TMEM232: variants seen among roughly 807,000 people sequenced by gnomAD.
TMEM232 encodes the protein transmembrane protein 232.
In TMEM232, 80 loss-of-function variants were observed where a neutral mutation model predicts 78.8. The observed-to-expected ratio is 1.01, with a 90% CI of 0.85 to 1.22. TMEM232 has a LOEUF of 1.22. Among genes scored for constraint, TMEM232 ranks in the 50% most tolerant of loss-of-function variants. The probability of loss-of-function intolerance (pLI) is 0.00; values close to 1 mark genes in which losing one functional copy is unlikely to be tolerated. For synonymous variants in TMEM232, 297 were observed against 254.3 expected (o/e 1.17, Z -1.60); for missense variants, 881 against 742.2 (o/e 1.19, Z -2.17).
intron 5 of TMEM232, among the ~76,000 whole-genome samples, chr5:110,628,306 G>A (rs549064029): frequency 1.3e-5 from 2 of 152,152 alleles, no homozygotes; most frequent in African/African-American, 4.8e-5. Context: ...GAATTGCAAT[G>A]CAAAAGGTAT....
In TMEM232 at chr5:110,708,285, G is replaced by T. The variant is rs544520055; in HGVS notation, c.-13+18342C>A. Among the ~76,000 whole-genome samples, 206 of 152,234 alleles carry T rather than the reference G, an allele frequency of 1.4e-3. 1 individual carries two copies. The highest frequency in any genetic ancestry group is 3.8e-3 in the African/African-American group (158 of 41,554). ...TGAAGAAGAAAAAAGACTTTCCAAG[G>T]CAAACACAAGTTGAGGGATTTCATC... On this transcript the variant is annotated intron_variant, in intron 1 of 13. Transcript: ENST00000455884.
chr5:110,512,886 C>T (rs1767987612), intron 12 of TMEM232, among the ~76,000 whole-genome samples: 1 of 152,094 alleles, frequency 6.6e-6, no homozygotes, highest in Middle Eastern at 3.4e-3. Flanking sequence ...TAAATCTCAC[C>T]AAGATCATTT....
chr5:110,628,354 C>T (rs1490348985), intron 5 of TMEM232, among the ~76,000 whole-genome samples: 1 of 151,996 alleles, frequency 6.6e-6, no homozygotes, highest in African/African-American at 2.4e-5. Context: ...GTTTGAGAAC[C>T]ATTGCATTAG....
chr5:110,553,109 A>G (rs1171412391), intron 11 of TMEM232, among the ~76,000 whole-genome samples: 2 of 152,118 alleles, frequency 1.3e-5, no homozygotes, highest in Non-Finnish European at 2.9e-5. Flanking sequence ...CTGTTTTTGT[A>G]CCAGTACCAT....
At chr5:110,719,756 C>G (rs577684322) in intron 1 of TMEM232, among the ~76,000 whole-genome samples, 64 of 152,230 alleles carry the variant, frequency 4.2e-4, no homozygotes, top group Non-Finnish European at 4.7e-4. Flanking sequence ...CACCGTCACC[C>G]TGGGATGACA....
intron 3 of TMEM232, among the ~76,000 whole-genome samples, chr5:110,392,643 C>A (rs1276959864): frequency 6.6e-6 from 1 of 152,120 alleles, no homozygotes; most frequent in Non-Finnish European, 1.5e-5. Context: ...CTCTCTTAAT[C>A]TTCTTATAAG....
chr5:110,631,152 A>G (rs1785073173), intron 5 of TMEM232, among the ~76,000 whole-genome samples: 1 of 152,126 alleles, frequency 6.6e-6, no homozygotes, highest in African/African-American at 2.4e-5. Flanking sequence ...GCTGGACACA[A>G]AGGTGCTACG....
chr5:110,413,749 G>C (rs1339435634), intron 2 of TMEM232, among the ~76,000 whole-genome samples: 1 of 152,158 alleles, frequency 6.6e-6, no homozygotes, highest in Non-Finnish European at 1.5e-5. Context: ...AAACAGAAAA[G>C]ATTTTCCTTC....
At chr5:110,463,196 C>G (rs1210105720) in intron 12 of TMEM232, among the ~76,000 whole-genome samples, 3 of 152,154 alleles carry the variant, frequency 2.0e-5, no homozygotes. Flanking sequence ...TCTTCAACAA[C>G]CACAACCCTG....
intron 3 of TMEM232, among the ~76,000 whole-genome samples, chr5:110,392,386 T>C (rs564936180): frequency 6.6e-6 from 1 of 152,274 alleles, no homozygotes; most frequent in African/African-American, 2.4e-5. Context: ...AGGAAAAAAA[T>C]TGAGCTGGTG....
chr5:110,679,491 G>A (rs967634623), intron 1 of TMEM232, among the ~76,000 whole-genome samples: 1 of 151,932 alleles, frequency 6.6e-6, no homozygotes, highest in Non-Finnish European at 1.5e-5. Context: ...TCATTTTATT[G>A]GGATTGTCTT....
chr5:110,574,558 T>C (rs1297610442), intron 10 of TMEM232, among the ~76,000 whole-genome samples: 1 of 152,092 alleles, frequency 6.6e-6, no homozygotes, highest in African/African-American at 2.4e-5. Context: ...GGCCACACTC[T>C]ATCAGTTTGA....
chr5:110,484,641 C>T (rs1384619146), intron 12 of TMEM232, among the ~76,000 whole-genome samples: 1 of 151,752 alleles, frequency 6.6e-6, no homozygotes, highest in Non-Finnish European at 1.5e-5. Context: ...AAACAGTAAT[C>T]AAAATAGAGC....
intron 11 of TMEM232, among the ~76,000 whole-genome samples, chr5:110,566,004 C>T (rs1340750931): frequency 6.6e-6 from 1 of 151,534 alleles, no homozygotes; most frequent in South Asian, 2.1e-4. Context: ...TAATCATTTT[C>T]CAATTACTTT....
chr5:110,668,006 A>T lies in TMEM232; in HGVS notation c.-12-642T>A, dbSNP rs571791955. ...TCCTATTTGTGTTTAGTGGAGATTT[A>T]GTCAGCAAAATGAAGTAATGAAATG... On this transcript the variant is annotated intron_variant, in intron 1 of 13. Transcript: ENST00000455884. Among the ~76,000 whole-genome samples, 455 of 152,214 alleles carry T rather than the reference A, an allele frequency of 3.0e-3. 3 individuals carry two copies. Among genetic ancestry groups the T allele is most frequent in the African/African-American group, 0.01 (434 of 41,548 alleles).
intron 12 of TMEM232, among the ~76,000 whole-genome samples, chr5:110,509,345 G>C (rs985582340): frequency 6.6e-6 from 1 of 152,102 alleles, no homozygotes; most frequent in African/African-American, 2.4e-5. Context: ...TGAGAGGCAG[G>C]AGGATCTCAT....
At chr5:110,681,518 G>T (rs1792744139) in intron 1 of TMEM232, among the ~76,000 whole-genome samples, 1 of 152,338 alleles carries the variant, frequency 6.6e-6, no homozygotes, top group Non-Finnish European at 1.5e-5. Flanking sequence ...ATATTGTAGG[G>T]TGTCAGTGAA....
chr5:110,641,265 T>C (rs967406476), intron 3 of TMEM232, among the ~76,000 whole-genome samples: 5 of 152,198 alleles, frequency 3.3e-5, no homozygotes, highest in Admixed American at 1.3e-4. Context: ...TTTTACTTTC[T>C]AGTGAGTACT....
chr5:110,525,602 G>A (rs867635092), intron 12 of TMEM232, among the ~76,000 whole-genome samples: 2 of 151,710 alleles, frequency 1.3e-5, no homozygotes, highest in African/African-American at 4.8e-5. Flanking sequence ...TCAACATTAT[G>A]GAGTGTTAAT....
Sources: gnomAD v4.1 joint callset for allele counts (sites outside exome capture counted in the v4.1 genomes callset) on GRCh38, gnomAD v4.1.1 for gene constraint, MANE v1.5 for transcripts, NCBI Gene and HGNC (gene_info 2026-07-23, HGNC 2026-07-21) for gene names.